Variants in PDE6A observed in about 807,000 individuals in gnomAD.
PDE6A encodes the protein phosphodiesterase 6A.
In PDE6A, 84 loss-of-function variants were observed where a neutral mutation model predicts 106.3. The ratio of observed to expected loss-of-function variants is 0.79; its 90% CI spans 0.66 to 0.95. The LOEUF (loss-of-function observed/expected upper bound fraction) is 0.95. Ranked by LOEUF, PDE6A falls within the 40% of genes least tolerant of loss-of-function variation. The pLI is 0.00. For missense variants in PDE6A, 1,052 were observed against 1,084.9 expected (o/e 0.97, Z 0.43); for synonymous variants, 394 against 386.6 (o/e 1.02, Z -0.23).
At chr5:149,912,958 T>C (rs1174602192) in intron 6 of PDE6A, among the ~76,000 whole-genome samples, 1 of 152,046 alleles carries the variant, frequency 6.6e-6, no homozygotes, top group Non-Finnish European at 1.5e-5. Context: ...CCTGTGACCA[T>C]TTAAGAGACA....
intron 17 of PDE6A, among the ~76,000 whole-genome samples, chr5:149,871,147 T>C (rs1760534114): frequency 6.6e-6 from 1 of 152,092 alleles, no homozygotes; most frequent in African/African-American, 2.4e-5. Context: ...GACAGGGTCT[T>C]TGTGGGGTGC....
At position 149,901,319 on chromosome 5, in the gene PDE6A, G is replaced by A. The variant is rs535505344; in HGVS notation, c.1114-1795C>T. Among the ~76,000 whole-genome samples the A allele has an allele frequency of 4.7e-4, 72 of 152,070 alleles. No homozygotes were observed. The Middle Eastern group carries it at 0.014, about 29-fold the overall frequency. On this transcript the variant is annotated intron_variant, in intron 8 of 21. Transcript: ENST00000255266. ...CAAGGCAGGCAGATCACCTGAGGTC[G>A]GGAGTTCAAGACCACCCTGACCAAC...
intron 4 of PDE6A, among the ~76,000 whole-genome samples, chr5:149,930,378 C>T (rs1172228341): frequency 6.6e-6 from 1 of 152,190 alleles, no homozygotes; most frequent in Non-Finnish European, 1.5e-5. Context: ...CTTGGGTTTT[C>T]AGGATAGGAG....
chr5:149,889,389 C>A (rs1003434363), intron 13 of PDE6A, among the ~76,000 whole-genome samples: 5 of 151,708 alleles, frequency 3.3e-5, no homozygotes, highest in Non-Finnish European at 7.4e-5. Context: ...GAGCTAAGGT[C>A]TTTCTATAAG....
rs1244595641 is a variant in PDE6A, at chr5:149,863,776, A to G, written c.2359-510T>C. On this transcript the variant is annotated intron_variant, in intron 20 of 21. Transcript: ENST00000255266. This position sits in a 1 kb window ranked among gnomAD's most constrained non-coding sequence, Gnocchi z 4.7. ...GTAGCTGGAACTACAGGCTCATGCCACCACACCCAGGTAATTTTTTTTATT... is the reference window on the plus strand; with the variant it reads ...GTAGCTGGAACTACAGGCTCATGCCGCCACACCCAGGTAATTTTTTTTATT... Among the ~76,000 whole-genome samples the G allele has an allele frequency of 6.6e-6, 1 of 152,084 alleles. No individual in the cohort carries two copies. Among genetic ancestry groups the G allele is most frequent in the Non-Finnish European group, 1.5e-5 (1 of 68,008 alleles).
rs1292531777 is a variant in PDE6A, at chr5:149,884,344, GTGTGTATATA to G, written c.2027+125_2027+134del. ...TATATGTGTATATATGTATATATATGTGTGTATATATGTGTATATATGTATATATGTGTGT... is the reference window on the plus strand; with the variant it reads ...TATATGTGTATATATGTATATATATGTGTGTATATATGTATATATGTGTGT... On this transcript the variant is annotated intron_variant, in intron 16 of 21. Coordinates refer to ENST00000255266, the MANE Select transcript of PDE6A (RefSeq NM_000440.3). 1.2e-4 allele frequency: 75 copies of G among 642,184 alleles called. 1 individual carries two copies. In the Middle Eastern group the frequency reaches 1.2e-3, roughly 10 times the overall value. 39.8% of individuals were successfully genotyped at this position (642,184 alleles called of 1,614,324 possible). A position where few individuals can be genotyped will look rare whatever the true frequency, so the allele number is the denominator to read the frequency against.
At chr5:149,886,186 C>T (rs1462152453) in intron 14 of PDE6A, 79 bp downstream of exon 14, 1 of 1,058,142 alleles carries the variant, frequency 9.5e-7, no homozygotes, top group East Asian at 2.4e-5. Flanking sequence ...TCCCTGTTGG[C>T]CAGTGAGTCT....
At chr5:149,868,458 G>A (rs1760415964) in intron 17 of PDE6A, among the ~76,000 whole-genome samples, 1 of 152,222 alleles carries the variant, frequency 6.6e-6, no homozygotes, top group Non-Finnish European at 1.5e-5. Flanking sequence ...AAGATTAAAT[G>A]AGATTGTGGT....
At chr5:149,908,783 G>A (rs112071691) in intron 6 of PDE6A, among the ~76,000 whole-genome samples, 128 of 152,220 alleles carry the variant, frequency 8.4e-4, no homozygotes, top group African/African-American at 3.0e-3. Context: ...TGAGGAGTCT[G>A]AAGTGGGAGG....
At chr5:149,908,551 T>C (rs1475657822) in intron 6 of PDE6A, among the ~76,000 whole-genome samples, 1 of 152,250 alleles carries the variant, frequency 6.6e-6, no homozygotes, top group African/African-American at 2.4e-5. Context: ...TTCATATTTC[T>C]CTACAAAATT....
chr5:149,902,505 T>TA (rs33979095), intron 8 of PDE6A, among the ~76,000 whole-genome samples: 2,532 of 140,748 alleles, frequency 0.018, 50 homozygotes, highest in African/African-American at 0.055. Flanking sequence ...AAACATTTGT[T>TA]AAAAAAAAAA....
At chr5:149,910,210 TA>T (rs1356440788) in intron 6 of PDE6A, among the ~76,000 whole-genome samples, 20 of 7,610 alleles carry the variant, frequency 2.6e-3, no homozygotes, top group African/African-American at 0.022. Flanking sequence ...TCTATGATAT[TA>T]ATAACATGGT....
At chr5:149,871,217 C>T (rs564535781) in intron 17 of PDE6A, among the ~76,000 whole-genome samples, 9 of 152,166 alleles carry the variant, frequency 5.9e-5, no homozygotes, top group Non-Finnish European at 8.8e-5. Context: ...GGCTTCATCA[C>T]CATAGAAGAA....
intron 5 of PDE6A, among the ~76,000 whole-genome samples, chr5:149,920,745 G>A (rs1753679342): frequency 6.6e-6 from 1 of 151,838 alleles, no homozygotes; most frequent in Non-Finnish European, 1.5e-5. Context: ...AGGTATTTAT[G>A]GAAAGACTTT....
At position 149,944,532 on chromosome 5, in the gene PDE6A, T is replaced by A; in HGVS notation, c.142A>T (p.Asn48Tyr). 1 of 1,614,074 alleles carries A rather than the reference T, an allele frequency of 6.2e-7. No homozygotes were observed. Among genetic ancestry groups the A allele is most frequent in the South Asian group, 1.1e-5 (1 of 91,078 alleles). The change falls in exon 1 of 22, where the codon AAC (asparagine) becomes TAC (tyrosine). Residue 48 changes from asparagine to tyrosine, a missense_variant. By Grantham distance (143) the Asn-to-Tyr change is moderately radical. Transcript: ENST00000255266. ...GAKEAAVDFS[N>Y]YHSPSSMEES... ...TCCATGCTGCTCGGGGAGTGGTAGT[T>A]GCTGAAGTCCACGGCAGCCTCCTTG...
chr5:149,912,078 C>T (rs1190913369), intron 6 of PDE6A, among the ~76,000 whole-genome samples: 1 of 151,934 alleles, frequency 6.6e-6, no homozygotes, highest in East Asian at 1.9e-4. Context: ...TTTTGTTTTC[C>T]TACCTGCTCT....
chr5:149,893,027 C>T (rs574798937), intron 13 of PDE6A, among the ~76,000 whole-genome samples: 8 of 152,140 alleles, frequency 5.3e-5, no homozygotes, highest in African/African-American at 9.7e-5. Flanking sequence ...ATTTATCTTC[C>T]ACTTTTATAA....
chr5:149,931,120 C>G lies in PDE6A; in HGVS notation c.766G>C (p.Glu256Gln). The G allele has an allele frequency of 6.2e-7, 1 of 1,614,054 alleles. No individual in the cohort carries two copies. Among genetic ancestry groups the G allele is most frequent in the Non-Finnish European group, 8.5e-7 (1 of 1,179,980 alleles). ...TACAGGGCTTTGTGGAACTGTCGTT[C>G]GATGTCCGTAAGTTCTTCAAAGACT... ...SKVFEELTDI[E>Q]RQFHKALYTV... is the part of the protein sequence containing the mutation. Residue 256 changes from glutamate to glutamine, a missense_variant, in exon 4 of 22, where the codon GAA becomes CAA. By Grantham distance (29) the Glu-to-Gln change is conservative. Coordinates refer to ENST00000255266, the MANE Select transcript of PDE6A (RefSeq NM_000440.3).
At chr5:149,940,797 C>G (rs930981971) in intron 1 of PDE6A, among the ~76,000 whole-genome samples, 2 of 152,200 alleles carry the variant, frequency 1.3e-5, no homozygotes, top group Non-Finnish European at 2.9e-5. Context: ...TGCGCCCGGC[C>G]TACCTGTTTG....
Sources: gnomAD v4.1 joint callset for allele counts (sites outside exome capture counted in the v4.1 genomes callset) on GRCh38, gnomAD v4.1.1 for gene constraint, Gnocchi (gnomAD v3.1) non-coding constraint, MANE v1.5 for transcripts, NCBI Gene and HGNC (gene_info 2026-07-23, HGNC 2026-07-21) for gene names.